The following HAO1 variants were observed in gnomAD, a reference collection of about 807,000 sequenced individuals.
The protein encoded by HAO1 is hydroxyacid oxidase 1.
In HAO1, 34 loss-of-function variants were observed where a neutral mutation model predicts 39.7. That is an observed-to-expected ratio of 0.86 (90% CI 0.65 to 1.14). The LOEUF is 1.14. Among genes scored for constraint, HAO1 ranks in the 50% most tolerant of loss-of-function variants. The pLI is 0.00. For missense variants in HAO1, 479 were observed against 464.5 expected, an observed-to-expected ratio of 1.03 and a Z score of -0.29; for synonymous variants, 172 against 173.2, an observed-to-expected ratio of 0.99 and a Z score of 0.05.
intron 3 of HAO1, among the ~76,000 whole-genome samples, chr20:7,910,102 C>T (rs2050271081): frequency 6.6e-6 from 1 of 152,182 alleles, no homozygotes; most frequent in Non-Finnish European, 1.5e-5. Context: ...ACTTATTAAG[C>T]ATCTACTACA....
intron 3 of HAO1, among the ~76,000 whole-genome samples, chr20:7,909,864 C>A (rs188160137): frequency 6.6e-6 from 1 of 152,218 alleles, no homozygotes; most frequent in Admixed American, 6.5e-5. Context: ...GAAAGAGGGG[C>A]TCATAAATAC....
At chr20:7,896,839 C>T (rs895495454) in intron 4 of HAO1, among the ~76,000 whole-genome samples, 5 of 152,126 alleles carry the variant, frequency 3.3e-5, no homozygotes, top group Non-Finnish European at 7.3e-5. Flanking sequence ...GAAGATAACC[C>T]CTGGAGCCCT....
At chr20:7,908,393 TAAA>T (rs34048209) in intron 3 of HAO1, among the ~76,000 whole-genome samples, 1 of 118,984 alleles carries the variant, frequency 8.4e-6, no homozygotes, top group African/African-American at 2.9e-5. Context: ...TGTCTCAAAA[TAAA>T]AAAAAAAAAA....
rs1425524871 is a variant in HAO1 at position 7,914,342 on chromosome 20, G to A, written c.367C>T (p.Pro123Ser). ...SSIEEVAEAG[P>S]EALRWLQLYI... The stretch of plus-strand genomic sequence containing the variant: ...AGTTGCAGCCAACGAAGTGCCTCAG[G>A]ACCAGCTTCCGCCACTTCTTCAATT... Residue 123 changes from proline (P) to serine (S), a missense_variant, in exon 3 of 8, where the codon CCT becomes TCT. Pro to Ser is a moderately conservative substitution (Grantham distance 74). Transcript: ENST00000378789. 1.2e-6 allele frequency: 2 copies of A among 1,613,974 alleles called. No homozygotes were observed.
intron 2 of HAO1, among the ~76,000 whole-genome samples, chr20:7,931,166 G>C (rs2050383974): frequency 6.6e-6 from 1 of 152,082 alleles, no homozygotes; most frequent in South Asian, 2.1e-4. Flanking sequence ...CTATGTTTTT[G>C]AGGGCAACAT....
intron 5 of HAO1, among the ~76,000 whole-genome samples, chr20:7,886,375 T>G (rs1198016892): frequency 6.6e-6 from 1 of 152,104 alleles, no homozygotes; most frequent in African/African-American, 2.4e-5. Flanking sequence ...GGTTTCATCA[T>G]GTTGGCCAGA....
intron 3 of HAO1, among the ~76,000 whole-genome samples, chr20:7,909,297 G>A (rs1745184961): frequency 6.8e-6 from 1 of 146,758 alleles, no homozygotes; most frequent in South Asian, 2.2e-4. Flanking sequence ...GACCCACGAT[G>A]GAGTGTTTTA....
At chr20:7,907,327 G>A (rs1415177273) in intron 3 of HAO1, among the ~76,000 whole-genome samples, 2 of 152,172 alleles carry the variant, frequency 1.3e-5, no homozygotes, top group East Asian at 3.9e-4. Context: ...GCAGACTGGA[G>A]GCATTAGGGA....
chr20:7,926,634 C>A (rs1039972522), intron 2 of HAO1, among the ~76,000 whole-genome samples: 1 of 152,154 alleles, frequency 6.6e-6, no homozygotes, highest in African/African-American at 2.4e-5. Flanking sequence ...CTCACCTACA[C>A]CCTAATGCAG....
chr20:7,883,325 G>A lies in HAO1; in HGVS notation c.*268C>T, dbSNP rs1466865866. ...GCACTTTAGCCTGCCAGGGGATGAC[G>A]TTGTCTAAACACATTTTCAATGTTT... On this transcript the variant is annotated 3_prime_UTR_variant, in exon 8 of 8. Coordinates refer to ENST00000378789, the MANE Select transcript of HAO1 (RefSeq NM_017545.3). 1.3e-5 allele frequency: 6 copies of A among 454,828 alleles called. No homozygotes were observed. Among genetic ancestry groups the A allele is most frequent in the South Asian group, 3.0e-5 (1 of 32,958 alleles). 28.2% of individuals were successfully genotyped at this position (454,828 alleles called of 1,614,324 possible).
chr20:7,892,764 G>A (rs1177740430), intron 5 of HAO1, among the ~76,000 whole-genome samples: 1 of 151,866 alleles, frequency 6.6e-6, no homozygotes, highest in Non-Finnish European at 1.5e-5. Context: ...AGATAGATAG[G>A]TAGATAGATA....
At chr20:7,894,913 G>T (rs538968697) in intron 5 of HAO1, among the ~76,000 whole-genome samples, 2 of 152,198 alleles carry the variant, frequency 1.3e-5, no homozygotes, top group African/African-American at 4.8e-5. Context: ...ACTTTCATAG[G>T]TTACAAATAA....
At chr20:7,910,487 T>C (rs1012615128) in intron 3 of HAO1, among the ~76,000 whole-genome samples, 1 of 152,206 alleles carries the variant, frequency 6.6e-6, no homozygotes, top group African/African-American at 2.4e-5. Flanking sequence ...GCTGTATTTC[T>C]GGAGAATCTA....
At chr20:7,912,218 G>T (rs1206007376) in intron 3 of HAO1, among the ~76,000 whole-genome samples, 1 of 152,078 alleles carries the variant, frequency 6.6e-6, no homozygotes, top group Non-Finnish European at 1.5e-5. Context: ...CTGGGAAGGA[G>T]CCCAGGAGCA....
intron 3 of HAO1, among the ~76,000 whole-genome samples, chr20:7,913,621 A>G (rs1600114144): frequency 6.6e-6 from 1 of 152,214 alleles, no homozygotes; most frequent in South Asian, 2.1e-4. Flanking sequence ...AGATTATGTG[A>G]TATATTGTTT....
chr20:7,908,613 G>A (rs1000693358), intron 3 of HAO1, among the ~76,000 whole-genome samples: 2 of 152,010 alleles, frequency 1.3e-5, no homozygotes, highest in African/African-American at 2.4e-5. Flanking sequence ...TATTAACAAG[G>A]CTTTCTCAAT....
In HAO1 at chr20:7,902,474, A is replaced by G. The variant is rs1039912526; in HGVS notation, c.721+3680T>C. Among the ~76,000 whole-genome samples the G allele has an allele frequency of 2.6e-5, 4 of 152,290 alleles. No individual in the cohort carries two copies. The South Asian group carries it at 8.3e-4, about 32-fold the overall frequency. On this transcript the variant is annotated intron_variant, in intron 4 of 7. Transcript: ENST00000378789. ...GTAACGTATTTTTTAATTAAGGTAT[A>G]TACATTGTTTTTTAGGCATAATGCT...
chr20:7,891,863 G>A (rs544776427), intron 5 of HAO1, among the ~76,000 whole-genome samples: 26 of 152,048 alleles, frequency 1.7e-4, no homozygotes, highest in Admixed American at 3.9e-4. Flanking sequence ...AATTTGGCCC[G>A]CCCACTAAGT....
In HAO1 at chr20:7,927,385, A is replaced by C. The variant is rs181854379; in HGVS notation, c.289+7099T>G. ...GAATATAAAGAAAAAAATTCAAAAA[A>C]ATAAATAAAAATGATCTGCTAGAGT... On this transcript the variant is annotated intron_variant, in intron 2 of 7. Transcript: ENST00000378789. 1.6e-3 allele frequency among the ~76,000 whole-genome samples: 248 copies of C among 152,320 alleles called. 4 individuals are homozygous for C. Among genetic ancestry groups the C allele is most frequent in the African/African-American group, 5.7e-3 (239 of 41,592 alleles).
Sources: gnomAD v4.1 joint callset for allele counts (sites outside exome capture counted in the v4.1 genomes callset) on GRCh38, gnomAD v4.1.1 for gene constraint, MANE v1.5 for transcripts, NCBI Gene and HGNC (gene_info 2026-07-23, HGNC 2026-07-21) for gene names.